The following NOS1 variants were observed in gnomAD, a reference collection of about 807,000 sequenced individuals.
NOS1 encodes NOS type I.
Under a neutral mutation model 164.5 loss-of-function variants are expected in NOS1, and 51 were observed. That is an observed-to-expected ratio of 0.31 (90% confidence interval 0.25 to 0.39). The LOEUF (loss-of-function observed/expected upper bound fraction) is 0.39. Ranked by LOEUF, NOS1 falls within the 10% of genes least tolerant of loss-of-function variation. The pLI is 1.00. For missense variants in NOS1, 1,362 were observed against 1,885.6 expected (o/e 0.72, Z 5.14); for synonymous variants, 719 against 745.8 (o/e 0.96, Z 0.59).
chr12:117,280,621 A>C, intron 8 of NOS1, 104 bp downstream of exon 8: 2 of 1,178,358 alleles, frequency 1.7e-6, no homozygotes, highest in Non-Finnish European at 2.4e-6. Context: ...AAATGACCCC[A>C]TCAGCGGATC....
At chr12:117,231,849 C>A in intron 22 of NOS1, 113 bp downstream of exon 22, 1 of 1,155,876 alleles carries the variant, frequency 8.7e-7, no homozygotes. Flanking sequence ...AATAATGGCC[C>A]CCTTGGCTCA....
intron 1 of NOS1, among the ~76,000 whole-genome samples, chr12:117,333,499 G>A (rs1301911913): frequency 6.6e-6 from 1 of 152,180 alleles, no homozygotes; most frequent in Non-Finnish European, 1.5e-5. Flanking sequence ...ACCCCTCCCA[G>A]AGGGAGGTGC....
At chr12:117,216,724 C>A (rs1956617563) in intron 28 of NOS1, among the ~76,000 whole-genome samples, 2 of 152,096 alleles carry the variant, frequency 1.3e-5, no homozygotes, top group South Asian at 2.1e-4. Flanking sequence ...AGCAATTCAC[C>A]CACCTCAGCT....
chr12:117,252,181 T>C (rs1486388180), intron 17 of NOS1, among the ~76,000 whole-genome samples: 1 of 152,186 alleles, frequency 6.6e-6, no homozygotes, highest in Non-Finnish European at 1.5e-5. Flanking sequence ...ATTAAAAACA[T>C]AATAATAACA....
rs546375592 is a variant in NOS1, at chr12:117,267,449, C to T, written c.1941+594G>A. ...TAAAAATACAAAAATTAGCTGGGCG[C>T]GGTGGTGGGCATCTGTAATCCCAGC... On this transcript the variant is annotated intron_variant, in intron 11 of 28. Transcript: ENST00000317775. Among the ~76,000 whole-genome samples, 33 of 152,046 alleles carry T rather than the reference C, an allele frequency of 2.2e-4. No homozygotes were observed. The South Asian group carries it at 4.2e-3, about 19-fold the overall frequency.
rs758653629 is a variant in NOS1 at position 117,242,655 on chromosome 12, G to A, written c.3013C>T (p.Arg1005Cys). 3.7e-6 allele frequency: 6 copies of A among 1,614,156 alleles called. No homozygotes were observed. Among genetic ancestry groups the A allele is most frequent in the Middle Eastern group, 1.6e-4 (1 of 6,062 alleles). ...KRVSAARLLSRQNLQSPKSSR... is the reference protein window; with the variant it reads ...KRVSAARLLSCQNLQSPKSSR... ...GATTTAGGGCTCTGGAGGTTTTGAC[G>A]GCTAAGGAGCCGGGCAGCTGAGACT... The change falls in exon 20 of 29, where the codon CGT (arginine) becomes TGT (cysteine). Residue 1005 changes from arginine (R) to cysteine (C), a missense_variant. By Grantham distance (180) the Arg-to-Cys change is radical (BLOSUM62 -3). Coordinates refer to ENST00000317775, the MANE Select transcript of NOS1 (RefSeq NM_000620.5).
intron 3 of NOS1, among the ~76,000 whole-genome samples, chr12:117,297,272 G>A (rs1873479306): frequency 1.3e-5 from 2 of 152,214 alleles, no homozygotes; most frequent in African/African-American, 4.8e-5. Context: ...AGCTGCAGGG[G>A]CAGCAGGACT....
In NOS1 at chr12:117,331,030, T is replaced by C; in HGVS notation, c.40A>G (p.Asn14Asp). The change falls in exon 2 of 29, where the codon AAT becomes GAT. Residue 14 changes from asparagine (N) to aspartate (D), a missense_variant. By Grantham distance (23) the Asn-to-Asp change is conservative (BLOSUM62 1). Transcript: ENST00000317775. ...HMFGVQQIQP[N>D]VISVRLFKRK... ...TTGAAGAGACGAACAGAAATGACAT[T>C]GGGCTGGATTTGCTGAACACCGAAC... The C allele has an allele frequency of 6.2e-7, 1 of 1,613,784 alleles. No homozygotes were observed. The highest frequency in any genetic ancestry group is 8.5e-7 in the Non-Finnish European group (1 of 1,179,800).
chr12:117,335,404 T>C (rs1200715176), intron 1 of NOS1, among the ~76,000 whole-genome samples: 2 of 152,176 alleles, frequency 1.3e-5, no homozygotes, highest in African/African-American at 4.8e-5. Flanking sequence ...GTACATACCA[T>C]GGAAACAATA....
intron 1 of NOS1, among the ~76,000 whole-genome samples, chr12:117,353,009 TATCTATCCATCCATCCATCC>T (rs1377527811): frequency 2.0e-5 from 3 of 152,218 alleles, no homozygotes; most frequent in African/African-American, 4.8e-5. Context: ...ATCAGTCATC[TATCTATCCATCCATCCATCC>T]ATCTATCCAT....
chr12:117,262,266 T>C (rs1258595032), intron 13 of NOS1, among the ~76,000 whole-genome samples: 1 of 151,952 alleles, frequency 6.6e-6, no homozygotes, highest in Non-Finnish European at 1.5e-5. Flanking sequence ...GATTTCTCCC[T>C]CCCCTTTCCC....
chr12:117,270,213 G>A (rs2135995089), intron 10 of NOS1, among the ~76,000 whole-genome samples: 1 of 152,306 alleles, frequency 6.6e-6, no homozygotes, highest in South Asian at 2.1e-4. Flanking sequence ...ACTAGTCACT[G>A]GTGGGAACCC....
intron 1 of NOS1, among the ~76,000 whole-genome samples, chr12:117,332,874 C>T (rs556972129): frequency 2.0e-5 from 3 of 152,254 alleles, no homozygotes; most frequent in Admixed American, 1.3e-4. Flanking sequence ...CCCCTGCCCC[C>T]CGCCAAAATC....
intron 2 of NOS1, among the ~76,000 whole-genome samples, chr12:117,323,657 C>T (rs1593022562): frequency 6.6e-6 from 1 of 152,196 alleles, no homozygotes. Context: ...AATTATAAAA[C>T]GTAGGCTTGC....
intron 1 of NOS1, among the ~76,000 whole-genome samples, chr12:117,337,106 CTTTTTT>C (rs36054002): frequency 3.1e-5 from 2 of 64,334 alleles, no homozygotes; most frequent in South Asian, 9.1e-4. Flanking sequence ...GCTTTTTACT[CTTTTTT>C]TTTTTTTTTT....
chr12:117,318,668 T>C (rs972438696), intron 2 of NOS1, among the ~76,000 whole-genome samples: 6 of 152,262 alleles, frequency 3.9e-5, no homozygotes, highest in Admixed American at 3.3e-4. Flanking sequence ...GGTGGGTCGA[T>C]TGGCCCGTTG....
chr12:117,301,656 C>T (rs1477224162), intron 3 of NOS1, among the ~76,000 whole-genome samples: 6 of 152,210 alleles, frequency 3.9e-5, no homozygotes, highest in Non-Finnish European at 8.8e-5. Flanking sequence ...CAAGGCCCTC[C>T]TGCTCTTTTC....
At chr12:117,264,153 G>T (rs1592965089) in intron 12 of NOS1, among the ~76,000 whole-genome samples, 179 bp from the exon 13 acceptor site, 1 of 151,638 alleles carries the variant, frequency 6.6e-6, no homozygotes, top group Non-Finnish European at 1.5e-5. Flanking sequence ...GGGAGGGGGG[G>T]GGTCCTTGCC....
At chr12:117,219,945 G>A in intron 27 of NOS1, 130 bp downstream of exon 27, 2 of 855,686 alleles carry the variant, frequency 2.3e-6, no homozygotes, top group Non-Finnish European at 3.7e-6. Context: ...TACCCTCAGT[G>A]GTAAGTGCAA....
Sources: gnomAD v4.1 joint callset for allele counts (sites outside exome capture counted in the v4.1 genomes callset) on GRCh38, gnomAD v4.1.1 for gene constraint, MANE v1.5 for transcripts, NCBI Gene and HGNC (gene_info 2026-07-23, HGNC 2026-07-21) for gene names.